Variants in PCDH15 observed in about 807,000 individuals in gnomAD.
PCDH15 encodes protocadherin related 15.
In PCDH15, 129 loss-of-function variants were observed where a neutral mutation model predicts 178.5. The ratio of observed to expected loss-of-function variants is 0.72; its 90% CI spans 0.63 to 0.84. PCDH15 has a LOEUF of 0.84. Among genes scored for constraint, PCDH15 ranks in the 40% least tolerant of loss-of-function variants. The pLI, the probability that PCDH15 is intolerant of heterozygous loss-of-function variation, is 0.00. For missense variants in PCDH15, 2,230 were observed against 2,099.9 expected (o/e 1.06, Z -1.21); for synonymous variants, 800 against 732.0 (o/e 1.09, Z -1.50).
At chr10:53,986,678 T>A (rs753512538) in intron 21 of PCDH15, among the ~76,000 whole-genome samples, 9 of 152,192 alleles carry the variant, frequency 5.9e-5, no homozygotes, top group Non-Finnish European at 1.3e-4. Context: ...TTTGTAACAA[T>A]GTGAACGAAT....
intron 3 of PCDH15, among the ~76,000 whole-genome samples, chr10:54,461,670 CTT>C (rs2077173608): frequency 1.3e-5 from 2 of 152,072 alleles, no homozygotes; most frequent in Admixed American, 6.6e-5. Flanking sequence ...CCTTGAGAAA[CTT>C]TTTTTCAACT....
chr10:54,710,124 G>C (rs1244162854), intron 1 of PCDH15, among the ~76,000 whole-genome samples: 1 of 151,816 alleles, frequency 6.6e-6, no homozygotes, highest in Admixed American at 6.6e-5. Context: ...CAATGCTACT[G>C]ACGTGATCCT....
intron 1 of PCDH15, among the ~76,000 whole-genome samples, chr10:54,703,067 T>A (rs77276715): frequency 0.02 from 3,017 of 152,190 alleles, 88 homozygotes; most frequent in African/African-American, 0.067. Context: ...GCAAGGTTGG[T>A]TCAACATATG....
intron 1 of PCDH15, among the ~76,000 whole-genome samples, chr10:54,684,175 G>A (rs146847517): frequency 3.9e-4 from 59 of 151,846 alleles, no homozygotes; most frequent in African/African-American, 1.3e-3. Context: ...ACTCAAACAC[G>A]TCTTCAAATA....
rs540086627 is a variant in PCDH15, at chr10:55,361,693, A to G, written c.-155-195042T>C. On this transcript the variant is annotated intron_variant, in intron 2 of 5. Transcript: ENST00000613346. ...ATATAGGAATGAAGTTCACTTCATA[A>G]ATATGACATAATTTGAATTATTGAA... 7.9e-5 allele frequency among the ~76,000 whole-genome samples: 12 copies of G among 152,216 alleles called. No individual in the cohort carries two copies. In the South Asian group the frequency reaches 1.7e-3, roughly 21 times the overall value.
At chr10:54,156,435 G>C (rs912264864) in intron 13 of PCDH15, among the ~76,000 whole-genome samples, 3 of 152,160 alleles carry the variant, frequency 2.0e-5, no homozygotes. Context: ...TGTGGCGGCA[G>C]ACAAGAGAAG....
chr10:55,535,814 C>T (rs1007612104), intron 2 of PCDH15, among the ~76,000 whole-genome samples: 1 of 151,486 alleles, frequency 6.6e-6, no homozygotes, highest in Admixed American at 6.6e-5. Flanking sequence ...AAATTAATAT[C>T]TGTTTCCACT....
At position 54,752,484 on chromosome 10, in the gene PCDH15, A is replaced by AAC. The variant is rs1432017492; in HGVS notation, c.-29+48440_-29+48441insGT. Among the ~76,000 whole-genome samples the AAC allele has an allele frequency of 9.0e-4, 89 of 99,018 alleles. 10 individuals carry two copies. The highest frequency in any genetic ancestry group is 3.0e-3 in the African/African-American group (83 of 27,776). 65.0% of individuals were successfully genotyped at this position (99,018 alleles called of 152,430 possible). A position where few individuals can be genotyped will look rare whatever the true frequency, so the allele number is the denominator to read the frequency against. On this transcript the variant is annotated intron_variant, in intron 1 of 37. Coordinates refer to ENST00000644397, the MANE Select transcript of PCDH15 (RefSeq NM_001384140.1). ...AGAACGAGACTCCGTCTCAAAAAAAAAAAAAAACAAAAAACAAAAAACAAA... is the reference window on the plus strand; with the variant it reads ...AGAACGAGACTCCGTCTCAAAAAAAAACAAAAAAACAAAAAACAAAAAACAAA...
At chr10:54,824,451 G>C (rs1414220079) in intron 3 of PCDH15, among the ~76,000 whole-genome samples, 1 of 152,122 alleles carries the variant, frequency 6.6e-6, no homozygotes, top group East Asian at 1.9e-4. Context: ...ATGCTACCTT[G>C]AAGAAAGAGC....
chr10:53,868,850 T>G (rs1164358594), intron 26 of PCDH15, among the ~76,000 whole-genome samples: 1 of 152,190 alleles, frequency 6.6e-6, no homozygotes, highest in African/African-American at 2.4e-5. Flanking sequence ...CTTTATTTTT[T>G]TCTCTGTCAC....
rs576729835 is a variant in PCDH15 at position 54,591,809 on chromosome 10, G to A, written c.92-63932C>T. Among the ~76,000 whole-genome samples the A allele has an allele frequency of 2.4e-3, 370 of 152,188 alleles. 3 individuals carry two copies. The highest frequency in any genetic ancestry group is 4.6e-3 in the Non-Finnish European group (315 of 68,012). On this transcript the variant is annotated intron_variant, in intron 2 of 37. Coordinates refer to ENST00000644397, the MANE Select transcript of PCDH15 (RefSeq NM_001384140.1). ...TTCTGATCTCAAAAATATGAAAAAA[G>A]TAGCTTGTCTAGTTATCATTCACCT...
At chr10:55,411,167 A>G (rs1233407376) in intron 2 of PCDH15, among the ~76,000 whole-genome samples, 1 of 152,074 alleles carries the variant, frequency 6.6e-6, no homozygotes, top group Non-Finnish European at 1.5e-5. Context: ...CACTAGTGGA[A>G]TCTTTCCTTT....
At chr10:54,678,810 T>G (rs1294033803) in intron 1 of PCDH15, among the ~76,000 whole-genome samples, 2 of 152,186 alleles carry the variant, frequency 1.3e-5, no homozygotes, top group African/African-American at 4.8e-5. Context: ...ATAATAATGA[T>G]ACAACATTAA....
intron 1 of PCDH15, among the ~76,000 whole-genome samples, chr10:54,761,800 G>A (rs187523490): frequency 1.4e-4 from 22 of 152,034 alleles, no homozygotes; most frequent in Admixed American, 1.4e-3. Context: ...GAAGCATGCT[G>A]GTCAGTCAAA....
intron 2 of PCDH15, among the ~76,000 whole-genome samples, chr10:55,024,631 T>A (rs1446169451): frequency 2.0e-5 from 3 of 152,096 alleles, no homozygotes; most frequent in Non-Finnish European, 2.9e-5. Context: ...TTCCTCTATG[T>A]ACCCCATCTC....
At chr10:54,150,051 G>A (rs2044369188) in intron 14 of PCDH15, among the ~76,000 whole-genome samples, 1 of 152,168 alleles carries the variant, frequency 6.6e-6, no homozygotes, top group Admixed American at 6.6e-5. Flanking sequence ...TTTGACAGGA[G>A]TACTGTTGAA....
At chr10:53,933,749 A>G (rs1347304967) in intron 25 of PCDH15, among the ~76,000 whole-genome samples, 1 of 152,126 alleles carries the variant, frequency 6.6e-6, no homozygotes, top group East Asian at 1.9e-4. Flanking sequence ...GAATCGCCAC[A>G]CTGACTTCCA....
At chr10:54,829,425 A>C (rs1032304016) in intron 3 of PCDH15, among the ~76,000 whole-genome samples, 2 of 152,036 alleles carry the variant, frequency 1.3e-5, no homozygotes, top group African/African-American at 4.8e-5. Context: ...GATGCCTTGC[A>C]CTGTTCTAAG....
At chr10:54,249,355 G>A (rs1262694458) in intron 8 of PCDH15, among the ~76,000 whole-genome samples, 1 of 151,988 alleles carries the variant, frequency 6.6e-6, no homozygotes, top group East Asian at 1.9e-4. Flanking sequence ...GTGTAAAAAA[G>A]TCTAACTGCA....
Sources: gnomAD v4.1 joint callset for allele counts (sites outside exome capture counted in the v4.1 genomes callset) on GRCh38, gnomAD v4.1.1 for gene constraint, MANE v1.5 for transcripts, NCBI Gene and HGNC (gene_info 2026-07-23, HGNC 2026-07-21) for gene names.